KLHL32: variants seen among roughly 807,000 people sequenced by gnomAD.
KLHL32 encodes kelch like family member 32.
Under a neutral mutation model 64.8 loss-of-function variants are expected in KLHL32, and 35 were observed. The observed-to-expected ratio is 0.54, with a 90% confidence interval of 0.41 to 0.72. The LOEUF (loss-of-function observed/expected upper bound fraction) is 0.72, where lower values mean the gene tolerates loss of function less well. Among genes scored for constraint, KLHL32 ranks in the 30% least tolerant of loss-of-function variants. The pLI is 0.00. For synonymous variants in KLHL32, 259 were observed against 281.0 expected, an observed-to-expected ratio of 0.92 and a Z score of 0.78; for missense variants, 589 against 768.5, an observed-to-expected ratio of 0.77 and a Z score of 2.76.
intron 1 of KLHL32, among the ~76,000 whole-genome samples, chr6:96,938,055 C>G (rs1770827465): frequency 6.6e-6 from 1 of 152,190 alleles, no homozygotes; most frequent in South Asian, 2.1e-4. Context: ...TCCTAAGCCT[C>G]TTTGTCAAGT....
intron 7 of KLHL32, among the ~76,000 whole-genome samples, chr6:97,117,813 C>T (rs892917778): frequency 6.6e-6 from 1 of 152,088 alleles, no homozygotes; most frequent in Admixed American, 6.5e-5. Context: ...GAAAATTAAT[C>T]CTGAGCTCAT....
chr6:97,012,502 G>A (rs1185499183), intron 3 of KLHL32, among the ~76,000 whole-genome samples: 1 of 152,212 alleles, frequency 6.6e-6, no homozygotes, highest in Non-Finnish European at 1.5e-5. Flanking sequence ...TTTTAGCCCA[G>A]TGAGACGCAT....
At chr6:96,915,257 C>T in the KLHL32 span, among the ~76,000 whole-genome samples, 2 of 152,116 alleles carry the variant, frequency 1.3e-5, no homozygotes, top group African/African-American at 4.8e-5. Flanking sequence ...ACTCACTACC[C>T]ATCATCCAAC....
chr6:96,938,707 G>A (rs1429638573), intron 1 of KLHL32, among the ~76,000 whole-genome samples: 1 of 152,092 alleles, frequency 6.6e-6, no homozygotes, highest in Non-Finnish European at 1.5e-5. Flanking sequence ...TTGAATCCTG[G>A]TTCTTTCATA....
At chr6:97,019,040 T>G (rs1781623941) in intron 3 of KLHL32, among the ~76,000 whole-genome samples, 1 of 152,196 alleles carries the variant, frequency 6.6e-6, no homozygotes, top group Non-Finnish European at 1.5e-5. Flanking sequence ...AGTACATAAT[T>G]GGACATAAAG....
chr6:97,011,130 C>T (rs1780355708), intron 3 of KLHL32, among the ~76,000 whole-genome samples: 1 of 152,088 alleles, frequency 6.6e-6, no homozygotes, highest in Non-Finnish European at 1.5e-5. Flanking sequence ...TCATGTATGC[C>T]ATCATATCAT....
chr6:96,904,387 G>T, the KLHL32 span, among the ~76,000 whole-genome samples: 1 of 149,366 alleles, frequency 6.7e-6, no homozygotes, highest in African/African-American at 2.4e-5. Flanking sequence ...AAATATAATG[G>T]TCAAAAAATT....
chr6:97,036,957 G>T (rs1784389841), intron 3 of KLHL32, among the ~76,000 whole-genome samples: 1 of 152,160 alleles, frequency 6.6e-6, no homozygotes, highest in Non-Finnish European at 1.5e-5. Flanking sequence ...ATTTCTGTTG[G>T]CACTAAGCTG....
intron 4 of KLHL32, among the ~76,000 whole-genome samples, chr6:97,058,208 C>T (rs182185598): frequency 6.6e-6 from 1 of 152,154 alleles, no homozygotes; most frequent in African/African-American, 2.4e-5. Context: ...CCTTCAACAT[C>T]GTGTTGGCTA....
At chr6:96,990,622 AG>A (rs1777743015) in intron 3 of KLHL32, among the ~76,000 whole-genome samples, 1 of 152,168 alleles carries the variant, frequency 6.6e-6, no homozygotes, top group African/African-American at 2.4e-5. Context: ...CAGCAGAGGG[AG>A]GGACCTTGGC....
intron 1 of KLHL32, among the ~76,000 whole-genome samples, chr6:96,937,643 A>G (rs1299952916): frequency 2.0e-5 from 3 of 152,152 alleles, no homozygotes. Flanking sequence ...AGAGCATGGA[A>G]TCAATGTGTA....
the KLHL32 span, among the ~76,000 whole-genome samples, chr6:96,915,468 C>T: frequency 2.0e-5 from 3 of 152,074 alleles, no homozygotes; most frequent in Non-Finnish European, 2.9e-5. Flanking sequence ...GCCAGGTGCC[C>T]GAGAGCTCAG....
intron 10 of KLHL32, 37 bp downstream of exon 10, chr6:97,132,784 T>G: frequency 2.1e-6 from 3 of 1,454,188 alleles, no homozygotes; most frequent in Non-Finnish European, 2.9e-6. Context: ...TTTGTTCAAG[T>G]GGTTCAGCGA....
chr6:97,059,222 A>G (rs1367537590), intron 4 of KLHL32, among the ~76,000 whole-genome samples: 2 of 152,244 alleles, frequency 1.3e-5, no homozygotes, highest in Non-Finnish European at 2.9e-5. Flanking sequence ...GGATTTTGAC[A>G]TATGGAAATT....
the KLHL32 span, among the ~76,000 whole-genome samples, chr6:96,906,410 C>A: frequency 6.6e-6 from 1 of 152,092 alleles, no homozygotes; most frequent in Non-Finnish European, 1.5e-5. Flanking sequence ...GAAGTCATTG[C>A]AGGTCAGGTG....
intron 1 of KLHL32, among the ~76,000 whole-genome samples, chr6:96,933,475 A>T (rs984027990): frequency 5.3e-5 from 8 of 152,216 alleles, no homozygotes; most frequent in Non-Finnish European, 8.8e-5. Context: ...CTCAACATTA[A>T]GTGAGCCCTT....
chr6:97,118,438 G>A (rs771449749), intron 7 of KLHL32, among the ~76,000 whole-genome samples: 8 of 151,944 alleles, frequency 5.3e-5, no homozygotes, highest in Non-Finnish European at 1.0e-4. Context: ...GGCCAGCATG[G>A]TGAAACCCCA....
chr6:97,019,586 T>C (rs1323338556), intron 3 of KLHL32, among the ~76,000 whole-genome samples: 1 of 152,180 alleles, frequency 6.6e-6, no homozygotes, highest in Non-Finnish European at 1.5e-5. Flanking sequence ...CCCACAGTTC[T>C]CTCAGCAGCT....
intron 6 of KLHL32, among the ~76,000 whole-genome samples, chr6:97,089,409 G>A (rs1039288855): frequency 2.6e-5 from 4 of 152,210 alleles, no homozygotes; most frequent in African/African-American, 7.2e-5. Flanking sequence ...CTCTGAGTGG[G>A]AAGTTTTGTT....
Sources: allele counts gnomAD v4.1 joint callset (sites outside exome capture counted in the v4.1 genomes callset), GRCh38; gene constraint gnomAD v4.1.1; transcripts MANE v1.5; gene names NCBI Gene and HGNC (gene_info 2026-07-23, HGNC 2026-07-21).